Variants in PNPLA8 observed in about 807,000 individuals in gnomAD.
The protein encoded by PNPLA8 is patatin like domain 8, phospholipase A2.
A neutral mutation model predicts 76.9 loss-of-function variants in PNPLA8; 39 were observed. That is an observed-to-expected ratio of 0.51 (90% CI 0.39 to 0.66). The LOEUF (loss-of-function observed/expected upper bound fraction) is 0.66. PNPLA8 is among the 30% of genes least tolerant of loss of function. The pLI is 0.00. For synonymous variants in PNPLA8, 301 were observed against 307.9 expected, an observed-to-expected ratio of 0.98 and a Z score of 0.24; for missense variants, 887 against 918.0, an observed-to-expected ratio of 0.97 and a Z score of 0.44.
At chr7:108,501,360 A>C (rs988364472) in intron 5 of PNPLA8, among the ~76,000 whole-genome samples, 4 of 152,208 alleles carry the variant, frequency 2.6e-5, no homozygotes, top group African/African-American at 9.6e-5. Flanking sequence ...ATAGAGCTTA[A>C]TAGTGAAATT....
At chr7:108,511,043 A>AG (rs1862887500) in intron 4 of PNPLA8, 1 of 605,794 alleles carries the variant, frequency 1.7e-6, no homozygotes, top group Non-Finnish European at 2.8e-6. Flanking sequence ...CAAATTGGAA[A>AG]AAAAAAAAAA....
At chr7:108,516,514 A>T (rs1256645633) in intron 2 of PNPLA8, among the ~76,000 whole-genome samples, 1 of 152,250 alleles carries the variant, frequency 6.6e-6, no homozygotes, top group African/African-American at 2.4e-5. Context: ...ACATAGGAGA[A>T]AACTTAGATG....
At position 108,523,821 on chromosome 7, in the gene PNPLA8, T is replaced by C. The variant is rs559192924; in HGVS notation, c.-130+2208A>G. ...CTCTGACACCTCACCCAGCAAGTAC[T>C]AGTGTGGGGAAGAGGGCCACTCTGA... On this transcript the variant is annotated intron_variant, in intron 1 of 10. Transcript: ENST00000257694. 4.6e-5 allele frequency among the ~76,000 whole-genome samples: 7 copies of C among 152,144 alleles called. No individual in the cohort carries two copies. In the East Asian group the frequency reaches 9.7e-4, roughly 21 times the overall value.
At chr7:108,496,539 C>A (rs776793393) in intron 7 of PNPLA8, 45 bp downstream of exon 7, 1 of 1,208,154 alleles carries the variant, frequency 8.3e-7, no homozygotes, top group Non-Finnish European at 1.2e-6. Context: ...TATGCACATA[C>A]TACCTATATA....
intron 4 of PNPLA8, chr7:108,510,756 C>A: frequency 6.2e-7 from 1 of 1,601,528 alleles, no homozygotes; most frequent in Non-Finnish European, 8.5e-7. Context: ...GCTTTGATTG[C>A]TCGATCTCTT....
Position 108,479,264 on chromosome 7 carries a change from C to G in PNPLA8, c.1994G>C (p.Ser665Thr). The change falls in exon 10 of 11, where the codon AGT (serine) becomes ACT (threonine). Residue 665 changes from serine to threonine, a missense_variant. Coordinates refer to ENST00000257694, the MANE Select transcript of PNPLA8 (RefSeq NM_001256007.3). The part of the protein sequence containing the change: ...IVSLGTGRYE[S>T]DVRNTVTYTS... ...GTATGTTACCGTGTTTCTCACATCA[C>G]TCTCATAACGTCCAGTGCCCAGGGA... The G allele has an allele frequency of 6.2e-7, 1 of 1,613,388 alleles. No individual in the cohort carries two copies. The highest frequency in any genetic ancestry group is 1.3e-5 in the African/African-American group (1 of 75,024).
At chr7:108,491,688 G>A (rs77533489) in intron 7 of PNPLA8, among the ~76,000 whole-genome samples, 2,517 of 152,288 alleles carry the variant, frequency 0.017, 57 homozygotes, top group African/African-American at 0.057. Context: ...AGTATCTACA[G>A]TTCTGAGGTG....
At chr7:108,511,380 T>C (rs1362608463) in intron 4 of PNPLA8, among the ~76,000 whole-genome samples, 7 of 152,210 alleles carry the variant, frequency 4.6e-5, no homozygotes, top group Non-Finnish European at 1.0e-4. Context: ...GTTGTTCAAC[T>C]AATTGTCATG....
chr7:108,520,505 A>G (rs1563992658), intron 2 of PNPLA8, among the ~76,000 whole-genome samples: 1 of 152,186 alleles, frequency 6.6e-6, no homozygotes, highest in African/African-American at 2.4e-5. Context: ...ACATACAGTT[A>G]GAAGTAATGA....
intron 1 of PNPLA8, among the ~76,000 whole-genome samples, chr7:108,524,003 G>C (rs1233574058): frequency 6.6e-6 from 1 of 152,134 alleles, no homozygotes; most frequent in Admixed American, 6.5e-5. Flanking sequence ...ACTGTGAAGG[G>C]GACAATTTAA....
chr7:108,488,000 T>C, intron 8 of PNPLA8, 47 bp from the exon 9 acceptor site: 1 of 1,171,972 alleles, frequency 8.5e-7, no homozygotes, highest in Non-Finnish European at 1.2e-6. Context: ...AGTAATATAT[T>C]TGGGATCTGT....
chr7:108,508,851 G>C (rs2154516348), intron 4 of PNPLA8, among the ~76,000 whole-genome samples: 1 of 144,124 alleles, frequency 6.9e-6, no homozygotes, highest in Admixed American at 6.9e-5. Context: ...GAACAGAACA[G>C]AGCCCTCAGA....
At chr7:108,527,442 C>A (rs904520967), upstream of PNPLA8, among the ~76,000 whole-genome samples, 15 of 152,116 alleles carry the variant, frequency 9.9e-5, no homozygotes, top group African/African-American at 2.2e-4. Flanking sequence ...GCCTTACAGG[C>A]GTGTGGAAGG....
intron 2 of PNPLA8, among the ~76,000 whole-genome samples, chr7:108,519,630 G>T (rs79532338): frequency 2.0e-5 from 3 of 152,114 alleles, no homozygotes; most frequent in Non-Finnish European, 4.4e-5. Context: ...AAAAAGCAAA[G>T]CCTGCCTTGT....
At chr7:108,503,138 G>A (rs1024781941) in intron 4 of PNPLA8, among the ~76,000 whole-genome samples, 1 of 152,204 alleles carries the variant, frequency 6.6e-6, no homozygotes. Context: ...ACTGAGGTGA[G>A]AAGGTAAAAG....
chr7:108,513,578 C>T (rs1329180311), intron 4 of PNPLA8, among the ~76,000 whole-genome samples: 6 of 151,910 alleles, frequency 3.9e-5, no homozygotes, highest in Non-Finnish European at 8.8e-5. Flanking sequence ...TGTAAAGAGA[C>T]TCAATCACAT....
intron 10 of PNPLA8, among the ~76,000 whole-genome samples, chr7:108,473,778 C>T (rs1382108565): frequency 6.6e-6 from 1 of 152,150 alleles, no homozygotes; most frequent in Non-Finnish European, 1.5e-5. Flanking sequence ...AATCATGGCT[C>T]ACCGCAACCT....
At chr7:108,507,990 A>G (rs2154516308) in intron 4 of PNPLA8, among the ~76,000 whole-genome samples, 1 of 108,880 alleles carries the variant, frequency 9.2e-6, no homozygotes, top group Middle Eastern at 3.9e-3. Context: ...CATGCTAAAA[A>G]CTCTCAATAA....
intron 4 of PNPLA8, chr7:108,510,319 G>C (rs56097803): frequency 0.39 from 619,780 of 1,583,132 alleles, 126,469 homozygotes; most frequent in African/African-American, 0.48. Flanking sequence ...AGCTGAAGAT[G>C]AAGCGCCTGA....
Sources: allele counts gnomAD v4.1 joint callset (sites outside exome capture counted in the v4.1 genomes callset), GRCh38; gene constraint gnomAD v4.1.1; transcripts MANE v1.5; gene names NCBI Gene and HGNC (gene_info 2026-07-23, HGNC 2026-07-21).